Variants in IQCM observed in about 807,000 individuals in gnomAD.
IQCM encodes IQ motif containing M.
A neutral mutation model predicts 57.6 loss-of-function variants in IQCM; 45 were observed. The observed-to-expected ratio is 0.78, with a 90% CI of 0.62 to 1.00. The LOEUF (loss-of-function observed/expected upper bound fraction) is 1.00, where lower values mean the gene tolerates loss of function less well. IQCM is among the 50% of genes least tolerant of loss of function. The pLI is 0.00. For missense variants in IQCM, 468 were observed against 511.6 expected (o/e 0.91, Z 0.82); for synonymous variants, 148 against 158.9 (o/e 0.93, Z 0.51).
rs147077167 is a variant in IQCM at position 149,538,635 on chromosome 4, T to G, written c.1228+9820A>C. On this transcript the variant is annotated intron_variant, in intron 12 of 13. Transcript: ENST00000636793. ...TCTATGCTCTCTATAAGAAAACACTTTATATTCAAATTTGCAAATAGGCTG... is the reference window on the plus strand; with the variant it reads ...TCTATGCTCTCTATAAGAAAACACTGTATATTCAAATTTGCAAATAGGCTG... Among the ~76,000 whole-genome samples the G allele has an allele frequency of 2.0e-3, 303 of 152,044 alleles. 2 individuals are homozygous for G. The highest frequency in any genetic ancestry group is 0.014 in the Middle Eastern group (4 of 294).
At chr4:149,616,695 A>T (rs1483242804) in intron 8 of IQCM, among the ~76,000 whole-genome samples, 5 of 152,122 alleles carry the variant, frequency 3.3e-5, no homozygotes, top group Non-Finnish European at 7.3e-5. Flanking sequence ...TTACATGGAC[A>T]CAGGGAGGGG....
intron 2 of IQCM, among the ~76,000 whole-genome samples, chr4:149,804,743 G>A (rs370955319): frequency 2.6e-5 from 4 of 151,960 alleles, no homozygotes; most frequent in Non-Finnish European, 5.9e-5. Flanking sequence ...AACTTCTATC[G>A]TGGTCTTTTC....
At position 149,403,786 on chromosome 4, in the gene IQCM, G is replaced by A. The variant is rs545370163; in HGVS notation, c.1390+29610C>T. Among the ~76,000 whole-genome samples, 65 of 152,028 alleles carry A rather than the reference G, an allele frequency of 4.3e-4. No homozygotes were observed. In the South Asian group the frequency reaches 4.8e-3, roughly 11 times the overall value. On this transcript the variant is annotated intron_variant, in intron 13 of 13. Transcript: ENST00000636793. ...CATCATTTATAATGTCCCTATGTGT[G>A]CAAATTCAATTAGAGGTAAAATATT... is the stretch of plus-strand genomic sequence containing the variant.
At chr4:149,528,182 C>G (rs2149844571) in intron 12 of IQCM, among the ~76,000 whole-genome samples, 1 of 152,070 alleles carries the variant, frequency 6.6e-6, no homozygotes, top group Non-Finnish European at 1.5e-5. Flanking sequence ...GATGGGGTTT[C>G]ACCACGTTGG....
intron 5 of IQCM, among the ~76,000 whole-genome samples, chr4:149,727,683 C>T (rs1056014545): frequency 6.6e-6 from 1 of 152,166 alleles, no homozygotes; most frequent in Non-Finnish European, 1.5e-5. Context: ...TCTCATCCCC[C>T]CTTCCTGGTT....
At chr4:149,600,818 G>C (rs754193014) in intron 8 of IQCM, among the ~76,000 whole-genome samples, 7 of 152,114 alleles carry the variant, frequency 4.6e-5, no homozygotes, top group Non-Finnish European at 1.0e-4. Flanking sequence ...TCAGTTTGTT[G>C]AAACTGTCCA....
At chr4:149,763,894 T>C (rs1402556378) in intron 2 of IQCM, among the ~76,000 whole-genome samples, 1 of 151,908 alleles carries the variant, frequency 6.6e-6, no homozygotes, top group African/African-American at 2.4e-5. Flanking sequence ...GAGGAAGATG[T>C]TGGAACAGAA....
chr4:149,778,431 G>T (rs570817362), intron 2 of IQCM, among the ~76,000 whole-genome samples: 21 of 152,072 alleles, frequency 1.4e-4, no homozygotes, highest in African/African-American at 4.6e-4. Flanking sequence ...GGGCAACAAA[G>T]CTAAAGCAGT....
chr4:149,684,065 A>G (rs762340198), intron 6 of IQCM, among the ~76,000 whole-genome samples: 17 of 151,350 alleles, frequency 1.1e-4, no homozygotes, highest in Non-Finnish European at 2.5e-4. Flanking sequence ...TATCAACTAA[A>G]AATTAGCACT....
intron 2 of IQCM, among the ~76,000 whole-genome samples, chr4:149,781,823 T>G (rs1438887154): frequency 6.6e-6 from 1 of 152,026 alleles, no homozygotes; most frequent in Admixed American, 6.6e-5. Context: ...ACTAAGGGAA[T>G]AAGTAGGCAG....
intron 13 of IQCM, among the ~76,000 whole-genome samples, chr4:149,370,923 T>C (rs192906555): frequency 1.8e-3 from 261 of 143,148 alleles, no homozygotes; most frequent in African/African-American, 6.2e-3. Context: ...CTACCTGGTG[T>C]ATCTAAGATA....
chr4:149,591,980 G>T (rs1753227974), intron 8 of IQCM, among the ~76,000 whole-genome samples: 1 of 152,138 alleles, frequency 6.6e-6, no homozygotes, highest in Non-Finnish European at 1.5e-5. Context: ...TAACGGGATG[G>T]CTGGGTCAAA....
chr4:149,721,385 A>C (rs548133538), intron 5 of IQCM, among the ~76,000 whole-genome samples: 8 of 152,044 alleles, frequency 5.3e-5, no homozygotes, highest in African/African-American at 1.9e-4. Flanking sequence ...TAGTGTACCC[A>C]TCACCCAAAT....
chr4:149,390,689 T>C (rs904828302), intron 13 of IQCM, among the ~76,000 whole-genome samples: 2 of 151,988 alleles, frequency 1.3e-5, no homozygotes, highest in African/African-American at 2.4e-5. Context: ...CATGTGGTTT[T>C]TTTCTTTATT....
intron 13 of IQCM, among the ~76,000 whole-genome samples, chr4:149,386,905 C>A (rs190780093): frequency 1.3e-5 from 2 of 151,990 alleles, no homozygotes; most frequent in Non-Finnish European, 2.9e-5. Flanking sequence ...GATTTAATAT[C>A]TTTTTGTATC....
In IQCM at chr4:149,733,200, T is replaced by C. The variant is rs377038519; in HGVS notation, c.385+44A>G. 6 of 1,225,472 alleles carry C rather than the reference T, an allele frequency of 4.9e-6. No individual in the cohort carries two copies. In the African/African-American group the frequency reaches 6.2e-5, roughly 13 times the overall value. 75.9% of individuals were successfully genotyped at this position (1,225,472 alleles called of 1,614,324 possible). On this transcript the variant is annotated intron_variant, in intron 5 of 13. Transcript: ENST00000636793. The stretch of plus-strand genomic sequence containing the variant: ...CAGGCACATAAGAAACAAATAGTTT[T>C]GTCCGTGAGTTTGCTGAATTTCTTC...
intron 2 of IQCM, among the ~76,000 whole-genome samples, chr4:149,752,236 A>C (rs1768518079): frequency 6.6e-6 from 1 of 152,054 alleles, no homozygotes; most frequent in African/African-American, 2.4e-5. Flanking sequence ...TTATCAAAGC[A>C]CCTATCTTTT....
intron 12 of IQCM, among the ~76,000 whole-genome samples, chr4:149,500,400 G>C (rs1375901926): frequency 6.6e-6 from 1 of 152,136 alleles, no homozygotes; most frequent in African/African-American, 2.4e-5. Context: ...GTAGTGAATT[G>C]AAGTTCAAGA....
intron 2 of IQCM, among the ~76,000 whole-genome samples, chr4:149,748,934 TATAAAAA>T (rs994201336): frequency 3.3e-5 from 5 of 152,128 alleles, no homozygotes; most frequent in African/African-American, 1.2e-4. Flanking sequence ...GGCAGTTGAA[TATAAAAA>T]TAGGCAACAA....
Sources: gnomAD v4.1 joint callset for allele counts (sites outside exome capture counted in the v4.1 genomes callset) on GRCh38, gnomAD v4.1.1 for gene constraint, MANE v1.5 for transcripts, NCBI Gene and HGNC (gene_info 2026-07-23, HGNC 2026-07-21) for gene names.